Variants in SLC9A1 observed in about 807,000 individuals in gnomAD.
The protein encoded by SLC9A1 is sodium/hydrogen exchanger 1.
Under a neutral mutation model 67.9 loss-of-function variants are expected in SLC9A1, and 22 were observed. That is an observed-to-expected ratio of 0.32 (90% CI 0.23 to 0.46). The LOEUF (loss-of-function observed/expected upper bound fraction) is 0.46, where lower values mean the gene tolerates loss of function less well. Among genes scored for constraint, SLC9A1 ranks in the 20% least tolerant of loss-of-function variants. The pLI is 1.00. For missense variants in SLC9A1, 686 were observed against 1,094.8 expected (o/e 0.63, Z 5.27); for synonymous variants, 421 against 471.8 (o/e 0.89, Z 1.40).
At position 27,098,972 on chromosome 1, in the gene SLC9A1, G is replaced by A. The variant is rs560180847; in HGVS notation, c.*1335C>T. 1 of 152,788 alleles carries A rather than the reference G, an allele frequency of 6.5e-6. No individual in the cohort carries two copies. The highest frequency in any genetic ancestry group is 2.4e-5 in the African/African-American group (1 of 41,580). 9.5% of individuals were successfully genotyped at this position (152,788 alleles called of 1,614,324 possible). ...CAGCACTTGCATGGAGAGGAGGATG[G>A]ACAGATGGGCCGAGGACCCATGGCC... is the stretch of plus-strand genomic sequence containing the variant. On this transcript the variant is annotated 3_prime_UTR_variant, in exon 12 of 12. Coordinates refer to ENST00000263980, the MANE Select transcript of SLC9A1 (RefSeq NM_003047.5).
chr1:27,110,143 A>T (rs2083218072), intron 2 of SLC9A1, among the ~76,000 whole-genome samples: 1 of 152,260 alleles, frequency 6.6e-6, no homozygotes, highest in African/African-American at 2.4e-5. Flanking sequence ...AATAATACCA[A>T]ATCTTAGGAC....
rs773456313 is a variant in SLC9A1 at position 27,100,432 on chromosome 1, C to T, written c.2323G>A (p.Asp775Asn). The change falls in exon 12 of 12, where the codon GAC (aspartate) becomes AAC (asparagine). Residue 775 changes from aspartate to asparagine, a missense_variant. Around this residue, in one of 7 missense-constraint regions of SLC9A1, gnomAD observed 226 missense variants for 282.4 expected, o/e 0.80. Transcript: ENST00000263980. The surrounding 1 kb of genome is among the most constrained non-coding windows in gnomAD (Gnocchi z 5.6). Reference protein sequence around the residue: ...RSKETSSPGTDDVFTPAPSDS... With the variant: ...RSKETSSPGTNDVFTPAPSDS... ...CTGGGCGCGGGGGTGAAGACATCGT[C>T]GGTTCCTGGGGACGAAGTCTCCTTG... 46 of 1,612,660 alleles carry T rather than the reference C, an allele frequency of 2.9e-5. No homozygotes were observed. Among genetic ancestry groups the T allele is most frequent in the South Asian group, 4.4e-5 (4 of 90,918 alleles).
chr1:27,153,268 C>G (rs2083542752), intron 1 of SLC9A1, among the ~76,000 whole-genome samples: 1 of 152,088 alleles, frequency 6.6e-6, no homozygotes, highest in Non-Finnish European at 1.5e-5. Flanking sequence ...AAGCCTCAAC[C>G]TCCTCTACTC....
chr1:27,128,472 G>A (rs1332479574), intron 1 of SLC9A1, among the ~76,000 whole-genome samples: 2 of 151,886 alleles, frequency 1.3e-5, no homozygotes, highest in Admixed American at 6.6e-5. Context: ...CCTGGGTAAC[G>A]TGGCAAAACC....
chr1:27,152,206 C>G (rs2083533153), intron 1 of SLC9A1, among the ~76,000 whole-genome samples: 1 of 152,192 alleles, frequency 6.6e-6, no homozygotes, highest in Non-Finnish European at 1.5e-5. Flanking sequence ...CCAAGCTGAC[C>G]TCATTAGCAC....
At chr1:27,125,494 C>T (rs564039395) in intron 1 of SLC9A1, among the ~76,000 whole-genome samples, 26 of 152,266 alleles carry the variant, frequency 1.7e-4, no homozygotes, top group African/African-American at 3.6e-4. Flanking sequence ...GATCTGCCCA[C>T]CGTGGCCTCC....
rs764986883 is a variant in SLC9A1 at position 27,100,461 on chromosome 1, C to T, written c.2294G>A (p.Arg765Gln). 3.0e-5 allele frequency: 49 copies of T among 1,613,842 alleles called. No homozygotes were observed. The highest frequency in any genetic ancestry group is 5.3e-5 in the African/African-American group (4 of 74,900). Residue 765 changes from arginine to glutamine, a missense_variant, in exon 12 of 12, where the codon CGG becomes CAG. Arg to Gln is a conservative substitution (Grantham distance 43). This residue lies in a region of SLC9A1 where 226 missense variants were observed against 282.4 expected (regional missense o/e 0.80). Transcript: ENST00000263980. The surrounding 1 kb of genome is among the most constrained non-coding windows in gnomAD (Gnocchi z 5.6). ...TCCTGGGGACGAAGTCTCCTTGCTC[C>T]GCATCATGATGCCCCCATCGTCGTC... ...DEDDDGGIMM[R>Q]SKETSSPGTD...
At chr1:27,148,633 A>T (rs990467170) in intron 1 of SLC9A1, among the ~76,000 whole-genome samples, 1 of 152,208 alleles carries the variant, frequency 6.6e-6, no homozygotes, top group African/African-American at 2.4e-5. Flanking sequence ...TCAATACCAC[A>T]TGCTATTCTA....
chr1:27,116,229 G>T (rs1391786465), intron 1 of SLC9A1, among the ~76,000 whole-genome samples: 1 of 152,062 alleles, frequency 6.6e-6, no homozygotes, highest in East Asian at 1.9e-4. Flanking sequence ...GCGTGGTGGT[G>T]GGTGCTTGTA....
intron 1 of SLC9A1, among the ~76,000 whole-genome samples, chr1:27,143,160 T>C: frequency 6.6e-6 from 1 of 151,720 alleles, no homozygotes; most frequent in East Asian, 1.9e-4. Context: ...AACTTTATCA[T>C]GGACTCAGAA....
At chr1:27,145,929 A>G (rs1403430150) in intron 1 of SLC9A1, among the ~76,000 whole-genome samples, 1 of 152,234 alleles carries the variant, frequency 6.6e-6, no homozygotes, top group Non-Finnish European at 1.5e-5. Context: ...CCCAAAACTT[A>G]GTTCAGTTAA....
At chr1:27,103,352 C>T in intron 5 of SLC9A1, 40 bp from the exon 6 acceptor site, 2 of 1,458,230 alleles carry the variant, frequency 1.4e-6, no homozygotes, top group South Asian at 1.1e-5. Context: ...AGTTCTGCTA[C>T]CCAGGCAGGG....
intron 1 of SLC9A1, among the ~76,000 whole-genome samples, chr1:27,138,584 G>A (rs1459917095): frequency 1.3e-5 from 2 of 152,118 alleles, no homozygotes; most frequent in Non-Finnish European, 2.9e-5. Context: ...AGGCCTCTCT[G>A]AAGAGATGAC....
intron 1 of SLC9A1, among the ~76,000 whole-genome samples, chr1:27,150,866 G>A (rs2083521870): frequency 6.6e-6 from 1 of 152,160 alleles, no homozygotes; most frequent in Non-Finnish European, 1.5e-5. Context: ...TATTCTTATA[G>A]GAGGGGTAAC....
rs77951525 is a variant in SLC9A1 at position 27,106,646 on chromosome 1, G to A, written c.1283-559C>T. Among the ~76,000 whole-genome samples the A allele has an allele frequency of 2.5e-3, 373 of 152,242 alleles. 1 individual carries two copies. The highest frequency in any genetic ancestry group is 8.4e-3 in the African/African-American group (349 of 41,534). On this transcript the variant is annotated intron_variant, in intron 4 of 11. Transcript: ENST00000263980. The surrounding 1 kb of genome is among the most constrained non-coding windows in gnomAD (Gnocchi z 4.3). The stretch of plus-strand genomic sequence containing the variant: ...AGAGAGGAAGTGAGAGATCCAGGGA[G>A]GAGGCGACTGAGGCACTGGGGTGAG...
chr1:27,102,544 T>C lies in SLC9A1; in HGVS notation c.1661A>G (p.Asn554Ser). The C allele has an allele frequency of 6.2e-7, 1 of 1,607,616 alleles. No homozygotes were observed. Among genetic ancestry groups the C allele is most frequent in the Non-Finnish European group, 8.5e-7 (1 of 1,175,048 alleles). ...CAGACACTTCTTCACATATTTCTTATTAAACCGGTTGAGCCTGGTGGGAGG... is the reference window on the plus strand; with the variant it reads ...CAGACACTTCTTCACATATTTCTTACTAAACCGGTTGAGCCTGGTGGGAGG... ...HHWKDKLNRFNKKYVKKCLIA... is the reference protein window; with the variant it reads ...HHWKDKLNRFSKKYVKKCLIA... Residue 554 changes from asparagine to serine, a missense_variant, in exon 8 of 12, where the codon AAT becomes AGT. By Grantham distance (46) the Asn-to-Ser change is conservative. Transcript: ENST00000263980.
Position 27,099,948 on chromosome 1 carries a change from C to A in SLC9A1, c.*359G>T. ...GGTGGGACCACAGCTGAGCCAGAGA[C>A]TCTTTGGTTAGAAACTAAGATTGGT... On this transcript the variant is annotated 3_prime_UTR_variant, in exon 12 of 12. Coordinates refer to ENST00000263980, the MANE Select transcript of SLC9A1 (RefSeq NM_003047.5). The A allele has an allele frequency of 4.3e-6, 1 of 234,898 alleles. No homozygotes were observed. Among genetic ancestry groups the A allele is most frequent in the Non-Finnish European group, 8.2e-6 (1 of 121,538 alleles). The allele number at this position is 234,898 out of a possible 1,614,324, so 14.6% of individuals were successfully genotyped here. A position where few individuals can be genotyped will look rare whatever the true frequency, so the allele number is the denominator to read the frequency against.
At chr1:27,112,716 T>C (rs928136102) in intron 2 of SLC9A1, among the ~76,000 whole-genome samples, 33 of 151,800 alleles carry the variant, frequency 2.2e-4, no homozygotes, top group African/African-American at 8.0e-4. Flanking sequence ...AAACCCAGTC[T>C]CTACTAAAAA....
rs538680170 is a variant in SLC9A1 at position 27,118,937 on chromosome 1, G to A, written c.353-4651C>T. On this transcript the variant is annotated intron_variant, in intron 1 of 11. Transcript: ENST00000263980. The surrounding 1 kb of genome is among the most constrained non-coding windows in gnomAD (Gnocchi z 4.3). ...TTCAACATCTCCAAGCACAGCCACA[G>A]GCCAAACCCTCTGACACAGTTCAGA... Among the ~76,000 whole-genome samples the A allele has an allele frequency of 1.3e-3, 203 of 152,098 alleles. No individual in the cohort carries two copies. Among genetic ancestry groups the A allele is most frequent in the Admixed American group, 3.0e-3 (46 of 15,268 alleles).
Sources: allele counts gnomAD v4.1 joint callset (sites outside exome capture counted in the v4.1 genomes callset), GRCh38; gene constraint gnomAD v4.1.1; regional missense constraint gnomAD v4.1.1; non-coding constraint Gnocchi (gnomAD v3.1); transcripts MANE v1.5; gene names NCBI Gene and HGNC (gene_info 2026-07-23, HGNC 2026-07-21).